ZPLD1: variants seen among roughly 807,000 people sequenced by gnomAD.
ZPLD1 encodes the protein zona pellucida like domain containing 1, also known as zona pellucida-like domain-containing protein 1.
Under a neutral mutation model 47.2 loss-of-function variants are expected in ZPLD1, and 34 were observed. That is an observed-to-expected ratio of 0.72 (90% CI 0.55 to 0.96). The LOEUF is 0.96. Ranked by LOEUF, ZPLD1 falls within the 40% of genes least tolerant of loss-of-function variation. ZPLD1 has a pLI of 0.00. For missense variants in ZPLD1, 512 were observed against 505.8 expected, an observed-to-expected ratio of 1.01 and a Z score of -0.12; for synonymous variants, 176 against 186.2, an observed-to-expected ratio of 0.95 and a Z score of 0.45.
intron 3 of ZPLD1, among the ~76,000 whole-genome samples, chr3:102,450,186 A>C (rs868868421): frequency 1.2e-4 from 18 of 152,246 alleles, no homozygotes; most frequent in Middle Eastern, 3.4e-3. Context: ...TCCAAACAGA[A>C]GAAAGAGCAC....
At chr3:102,458,926 A>T (rs1470372274) in intron 6 of ZPLD1, among the ~76,000 whole-genome samples, 1 of 151,436 alleles carries the variant, frequency 6.6e-6, no homozygotes. Context: ...TGTCTCTACT[A>T]AAAAATACAA....
chr3:102,385,491 G>C (rs1706415400), intron 6 of ZPLD1, among the ~76,000 whole-genome samples: 2 of 152,084 alleles, frequency 1.3e-5, no homozygotes, highest in Admixed American at 1.3e-4. Flanking sequence ...AATAATCCTT[G>C]AAATACATTC....
intron 10 of ZPLD1, among the ~76,000 whole-genome samples, chr3:102,473,201 AC>A (rs1707711072): frequency 6.6e-6 from 1 of 152,182 alleles, no homozygotes; most frequent in African/African-American, 2.4e-5. Context: ...GGGGACGCAA[AC>A]CGTATCGTTA....
intron 2 of ZPLD1, among the ~76,000 whole-genome samples, 156 bp from the exon 3 acceptor site, chr3:102,438,323 CT>C (rs1318858955): frequency 6.6e-6 from 1 of 152,182 alleles, no homozygotes; most frequent in Non-Finnish European, 1.5e-5. Flanking sequence ...AAATATCTGC[CT>C]TTACTACCGA....
Position 102,470,567 on chromosome 3 carries a change from C to A in ZPLD1, c.1042+65C>A, listed in dbSNP as rs1327293742. The A allele has an allele frequency of 3.1e-6, 4 of 1,287,910 alleles. No individual in the cohort carries two copies. The African/African-American group carries it at 5.8e-5, about 19-fold the overall frequency. The allele number at this position is 1,287,910 out of a possible 1,614,324, so 79.8% of individuals were successfully genotyped here. ...TCCAAAATGCCTCGTTACTTGGCTT[C>A]TAACGAGAACTCAAAGTGGTTCCTA... On this transcript the variant is annotated intron_variant, in intron 10 of 11. Coordinates refer to ENST00000466937, the MANE Select transcript of ZPLD1 (RefSeq NM_001329788.2).
chr3:102,405,439 G>C (rs1476461265), intron 7 of ZPLD1, among the ~76,000 whole-genome samples: 2 of 151,884 alleles, frequency 1.3e-5, no homozygotes, highest in African/African-American at 2.4e-5. Context: ...AAATCAGATA[G>C]ACATGTTGAC....
intron 10 of ZPLD1, among the ~76,000 whole-genome samples, chr3:102,475,996 G>T (rs1291854388): frequency 6.6e-6 from 1 of 152,094 alleles, no homozygotes; most frequent in African/African-American, 2.4e-5. Flanking sequence ...CTGAAACTGA[G>T]CTTTGTTTTA....
In ZPLD1 at chr3:102,462,394, T is replaced by C; in HGVS notation, c.680+16T>C. Reference sequence around the variant, plus strand: ...TGGATGGCAGGTAATTTCAAACTCTTGTCTTTTTTAGGTTAAAACTCTTTG... The same window carrying C: ...TGGATGGCAGGTAATTTCAAACTCTCGTCTTTTTTAGGTTAAAACTCTTTG... On this transcript the variant is annotated intron_variant, in intron 7 of 11. Coordinates refer to ENST00000466937, the MANE Select transcript of ZPLD1 (RefSeq NM_001329788.2). The C allele has an allele frequency of 1.3e-6, 2 of 1,579,184 alleles. No homozygotes were observed. Among genetic ancestry groups the C allele is most frequent in the Non-Finnish European group, 1.7e-6 (2 of 1,154,942 alleles).
intron 8 of ZPLD1, among the ~76,000 whole-genome samples, chr3:102,426,802 G>A (rs1706953791): frequency 6.6e-6 from 1 of 152,152 alleles, no homozygotes; most frequent in African/African-American, 2.4e-5. Context: ...ATTTCATCAT[G>A]TCCAAAAGTA....
At chr3:102,388,974 C>T (rs372251610) in intron 6 of ZPLD1, among the ~76,000 whole-genome samples, 1 of 152,078 alleles carries the variant, frequency 6.6e-6, no homozygotes, top group Admixed American at 6.5e-5. Context: ...GTTAAGAAAC[C>T]CCAACCTTCA....
intron 2 of ZPLD1, among the ~76,000 whole-genome samples, chr3:102,437,825 A>C (rs1486032095): frequency 6.6e-6 from 1 of 152,188 alleles, no homozygotes; most frequent in African/African-American, 2.4e-5. Context: ...CTTACTACCC[A>C]CCAAGGAGCA....
At chr3:102,441,957 T>A (rs1707185103) in intron 3 of ZPLD1, among the ~76,000 whole-genome samples, 1 of 152,084 alleles carries the variant, frequency 6.6e-6, no homozygotes, top group Non-Finnish European at 1.5e-5. Context: ...AAAATTAGGC[T>A]CCTACCCTAA....
chr3:102,464,137 T>C lies in ZPLD1; in HGVS notation c.681-34T>C, dbSNP rs368801255. On this transcript the variant is annotated intron_variant, in intron 7 of 11. Coordinates refer to ENST00000466937, the MANE Select transcript of ZPLD1 (RefSeq NM_001329788.2). ...GTAACTAATATCCAAAAGGAAATTC[T>C]GACTCTAGATTATGTTTGCTTACAT... The C allele has an allele frequency of 2.7e-6, 4 of 1,485,986 alleles. No homozygotes were observed. The African/African-American group carries it at 4.2e-5, about 15-fold the overall frequency. The allele number at this position is 1,485,986 out of a possible 1,614,324, so 92.1% of individuals were successfully genotyped here. A position where few individuals can be genotyped will look rare whatever the true frequency, so the allele number is the denominator to read the frequency against.
At chr3:102,427,458 A>C (rs1387471514) in intron 8 of ZPLD1, among the ~76,000 whole-genome samples, 1 of 152,178 alleles carries the variant, frequency 6.6e-6, no homozygotes, top group African/African-American at 2.4e-5. Context: ...ATTGTCATGG[A>C]TAAAGCAAGA....
intron 7 of ZPLD1, among the ~76,000 whole-genome samples, chr3:102,403,143 G>A (rs1484073446): frequency 4.0e-5 from 6 of 151,766 alleles, no homozygotes; most frequent in East Asian, 3.9e-4. Context: ...TCACAAATAC[G>A]TTCATTCTGT....
chr3:102,436,546 G>T (rs933516716), intron 1 of ZPLD1, among the ~76,000 whole-genome samples: 2 of 152,112 alleles, frequency 1.3e-5, no homozygotes, highest in Non-Finnish European at 2.9e-5. Context: ...TAGGTAGCTT[G>T]TTCAACAAAC....
chr3:102,425,938 A>T (rs1706940428), intron 8 of ZPLD1, among the ~76,000 whole-genome samples: 1 of 151,298 alleles, frequency 6.6e-6, no homozygotes, highest in Non-Finnish European at 1.5e-5. Flanking sequence ...CACTTAGATG[A>T]TGTAGGTCCT....
intron 7 of ZPLD1, among the ~76,000 whole-genome samples, chr3:102,463,440 A>G (rs1299468892): frequency 3.9e-5 from 6 of 152,244 alleles, no homozygotes. Flanking sequence ...CTCATTTTAA[A>G]GTTTACTTCT....
At chr3:102,396,321 T>C (rs1706557180) in intron 7 of ZPLD1, among the ~76,000 whole-genome samples, 1 of 152,158 alleles carries the variant, frequency 6.6e-6, no homozygotes, top group African/African-American at 2.4e-5. Flanking sequence ...GAGTAATCTT[T>C]TTTGAAGACG....
Sources: gnomAD v4.1 joint callset for allele counts (sites outside exome capture counted in the v4.1 genomes callset) on GRCh38, gnomAD v4.1.1 for gene constraint, MANE v1.5 for transcripts, NCBI Gene and HGNC (gene_info 2026-07-23, HGNC 2026-07-21) for gene names.